The following MAJIN variants were observed in gnomAD, a reference collection of about 807,000 sequenced individuals.
MAJIN encodes the protein membrane-anchored junction protein.
In MAJIN, 27 loss-of-function variants were observed where a neutral mutation model predicts 30.2. The ratio of observed to expected loss-of-function variants is 0.89; its 90% confidence interval spans 0.66 to 1.23. The LOEUF is 1.23. Ranked by LOEUF, MAJIN falls within the 50% of genes most tolerant of loss-of-function variation. The pLI, the probability that MAJIN is intolerant of heterozygous loss-of-function variation, is 0.00. For synonymous variants in MAJIN, 78 were observed against 91.6 expected (o/e 0.85, Z 0.85); for missense variants, 253 against 260.3 (o/e 0.97, Z 0.19).
intron 8 of MAJIN, chr11:64,946,013 T>A (rs596321): frequency 4.6e-5 from 63 of 1,364,768 alleles, no homozygotes; most frequent in Non-Finnish European, 5.6e-5. Context: ...ACCGGAATCC[T>A]GACTTGTAAC....
At position 64,944,665 on chromosome 11, in the gene MAJIN, GA is replaced by G. The variant is rs1262650658; in HGVS notation, c.473+2708del. ...CAGAGTGTGACCCTGTCTCAAAAAT[GA>G]AAAAAAAATTTGTTGAATGAATGCA... On this transcript the variant is annotated intron_variant, in intron 8 of 10. Transcript: ENST00000301896. Among the ~76,000 whole-genome samples the G allele has an allele frequency of 2.9e-4, 44 of 150,950 alleles. 1 individual carries two copies. Among genetic ancestry groups the G allele is most frequent in the Admixed American group, 2.8e-3 (42 of 15,178 alleles).
At chr11:64,952,608 C>T (rs1440623944) in intron 4 of MAJIN, among the ~76,000 whole-genome samples, 2 of 152,202 alleles carry the variant, frequency 1.3e-5, no homozygotes, top group African/African-American at 2.4e-5. Context: ...GTCTAGGTTA[C>T]ATAACTAGAA....
chr11:64,971,681 C>G (rs1455310912), intron 1 of MAJIN, among the ~76,000 whole-genome samples, 196 bp downstream of exon 1: 1 of 152,062 alleles, frequency 6.6e-6, no homozygotes, highest in Non-Finnish European at 1.5e-5. Context: ...CGTGGGAGCC[C>G]TGCAGTGGCA....
chr11:64,941,712 G>A (rs1423530872), intron 8 of MAJIN, among the ~76,000 whole-genome samples: 1 of 152,180 alleles, frequency 6.6e-6, no homozygotes, highest in Admixed American at 6.5e-5. Context: ...CATATAGAGT[G>A]CTGTGGTTGC....
intron 1 of MAJIN, among the ~76,000 whole-genome samples, chr11:64,971,341 C>T (rs1488936546): frequency 3.3e-5 from 5 of 150,218 alleles, no homozygotes; most frequent in Admixed American, 2.7e-4. Flanking sequence ...GCAGGAGAAT[C>T]GCTTGAACCC....
Position 64,947,807 on chromosome 11 carries a change from C to CT in MAJIN, c.361dup (p.Ser121LysfsTer2), listed in dbSNP as rs1353674298. On this transcript the variant is annotated frameshift_variant, in exon 7 of 11. Coordinates refer to ENST00000301896, the MANE Select transcript of MAJIN (RefSeq NM_001037225.3). LOFTEE classifies it high-confidence loss of function. ...ACTTACCAACCCAAGAGGACTGTCACTTATTGGTTTCCCTACAATAGGAAA... is the reference window on the plus strand; with the variant it reads ...ACTTACCAACCCAAGAGGACTGTCACTTTATTGGTTTCCCTACAATAGGAAA... 6.2e-7 allele frequency: 1 copy of CT among 1,608,738 alleles called. No individual in the cohort carries two copies. Among genetic ancestry groups the CT allele is most frequent in the African/African-American group, 1.3e-5 (1 of 74,230 alleles).
intron 1 of MAJIN, among the ~76,000 whole-genome samples, chr11:64,966,165 A>AAAAAAAAAAAAAAAAAAAAT (rs1945806540): frequency 6.7e-6 from 1 of 150,158 alleles, no homozygotes; most frequent in Non-Finnish European, 1.5e-5. Flanking sequence ...AAAAAAAAAA[A>AAAAAAAAAAAAAAAAAAAAT]GCAGCAGCAG....
intron 1 of MAJIN, among the ~76,000 whole-genome samples, chr11:64,962,170 G>C (rs1321652107): frequency 6.6e-6 from 1 of 152,214 alleles, no homozygotes; most frequent in Non-Finnish European, 1.5e-5. Context: ...GGAAATGAAG[G>C]ACATTTGCTG....
chr11:64,942,494 T>C (rs1227007944), intron 8 of MAJIN, among the ~76,000 whole-genome samples: 5 of 152,056 alleles, frequency 3.3e-5, no homozygotes, highest in African/African-American at 1.2e-4. Flanking sequence ...TGCGTCCTCA[T>C]AGCTTAGCTC....
chr11:64,968,580 A>AT (rs1180986430), intron 1 of MAJIN, among the ~76,000 whole-genome samples: 4 of 151,680 alleles, frequency 2.6e-5, no homozygotes, highest in Middle Eastern at 3.2e-3. Context: ...CACGCCTGTA[A>AT]TCCCAGCACT....
chr11:64,945,983 A>T, intron 8 of MAJIN: 1 of 1,166,624 alleles, frequency 8.6e-7, no homozygotes, highest in Non-Finnish European at 1.2e-6. Flanking sequence ...ATCTGCACGA[A>T]AAACCAAGAT....
At chr11:64,960,973 C>T (rs947856259) in intron 1 of MAJIN, among the ~76,000 whole-genome samples, 2 of 152,138 alleles carry the variant, frequency 1.3e-5, no homozygotes, top group African/African-American at 2.4e-5. Context: ...GCAAAGTCCC[C>T]GGAGGGGAAA....
chr11:64,962,500 C>T (rs376865718), intron 1 of MAJIN, among the ~76,000 whole-genome samples: 16 of 152,250 alleles, frequency 1.1e-4, no homozygotes, highest in African/African-American at 2.6e-4. Context: ...AGACTCTCCA[C>T]GCATTTTTAG....
At chr11:64,939,809 T>G in intron 9 of MAJIN, 42 bp from the exon 10 acceptor site, 1 of 1,588,380 alleles carries the variant, frequency 6.3e-7, no homozygotes, top group East Asian at 2.2e-5. Flanking sequence ...TGTTTGTCCA[T>G]AGGCCGTTTT....
At chr11:64,946,041 T>C (rs1003122773) in intron 8 of MAJIN, 3 of 1,467,390 alleles carry the variant, frequency 2.0e-6, no homozygotes, top group African/African-American at 2.9e-5. Flanking sequence ...GAATAGCTAA[T>C]AGCCTTGAAG....
intron 3 of MAJIN, among the ~76,000 whole-genome samples, chr11:64,955,667 A>G (rs1945619072): frequency 6.6e-6 from 1 of 152,242 alleles, no homozygotes; most frequent in Non-Finnish European, 1.5e-5. Context: ...TGGGCTTTCA[A>G]GTGAAAATTT....
chr11:64,961,062 G>A (rs561627933), intron 1 of MAJIN, among the ~76,000 whole-genome samples: 2 of 152,168 alleles, frequency 1.3e-5, no homozygotes, highest in African/African-American at 4.8e-5. Flanking sequence ...TGATGTTTTA[G>A]TGCTAGATGA....
At chr11:64,957,343 G>A (rs959498830) in intron 3 of MAJIN, among the ~76,000 whole-genome samples, 1 of 152,152 alleles carries the variant, frequency 6.6e-6, no homozygotes, top group African/African-American at 2.4e-5. Context: ...GCCTCCCAAA[G>A]TGCTGGGATT....
chr11:64,948,624 T>TC lies in MAJIN; in HGVS notation c.350-806_350-805insG, dbSNP rs1195712521. 9.0e-4 allele frequency among the ~76,000 whole-genome samples: 44 copies of TC among 49,088 alleles called. 1 individual carries two copies. The highest frequency in any genetic ancestry group is 3.8e-3 in the African/African-American group (35 of 9,300). The allele number at this position is 49,088 out of a possible 152,430, so 32.2% of individuals were successfully genotyped here. Reference sequence around the variant, plus strand: ...CATCATATATATATATATATATATATATATATATATATATATTTTTTTTTT... The same window carrying TC: ...CATCATATATATATATATATATATATCATATATATATATATATTTTTTTTTT... On this transcript the variant is annotated intron_variant, in intron 6 of 10. Coordinates refer to ENST00000301896, the MANE Select transcript of MAJIN (RefSeq NM_001037225.3).
Sources: gnomAD v4.1 joint callset for allele counts (sites outside exome capture counted in the v4.1 genomes callset) on GRCh38, gnomAD v4.1.1 for gene constraint, MANE v1.5 for transcripts, NCBI Gene and HGNC (gene_info 2026-07-23, HGNC 2026-07-21) for gene names.